MYO1G: variants seen among roughly 807,000 people sequenced by gnomAD.
MYO1G encodes the protein myosin IG.
A neutral mutation model predicts 115.3 loss-of-function variants in MYO1G; 65 were observed. The ratio of observed to expected loss-of-function variants is 0.56; its 90% CI spans 0.46 to 0.69. The LOEUF (loss-of-function observed/expected upper bound fraction) is 0.69. MYO1G is among the 30% of genes least tolerant of loss of function. The pLI is 0.00. For synonymous variants in MYO1G, 510 were observed against 552.6 expected (o/e 0.92, Z 1.08); for missense variants, 1,204 against 1,393.5 (o/e 0.86, Z 2.16).
chr7:44,971,325 A>G (rs540649770), intron 7 of MYO1G, among the ~76,000 whole-genome samples: 2 of 152,320 alleles, frequency 1.3e-5, no homozygotes, highest in East Asian at 3.9e-4. Context: ...ATCCTCCCAC[A>G]GCCAGCGGAG....
chr7:44,970,600 G>C lies in MYO1G; in HGVS notation c.1209C>G (p.Pro403=). Residue 403 remains proline, a synonymous_variant, in exon 9 of 22, where the codon CCC becomes CCG. Transcript: ENST00000258787. ...GCTGGCCAGCCACCCACCTGTTGAC[G>C]GGAAACACCTCGAAGCCATAGATGT... ...VLDIYGFEVF[P]VNSFEQFCIN... The C allele has an allele frequency of 6.2e-7, 1 of 1,613,300 alleles. No homozygotes were observed. Among genetic ancestry groups the C allele is most frequent in the South Asian group, 1.1e-5 (1 of 91,082 alleles).
chr7:44,963,119 C>A lies in MYO1G; in HGVS notation c.2751G>T (p.Thr917=). The part of the protein sequence containing the change: ...VMRAVPLEAV[T]GLSVTSGGDQ... ...CTCCTCCGCTGGTCACGCTCAGCCCCGTCACCTGAGCGGAGCGCGGGGTCA... is the reference window on the plus strand; with the variant it reads ...CTCCTCCGCTGGTCACGCTCAGCCCAGTCACCTGAGCGGAGCGCGGGGTCA... Residue 917 remains threonine, a synonymous_variant, in exon 21 of 22, where the codon ACG becomes ACT. Coordinates refer to ENST00000258787, the MANE Select transcript of MYO1G (RefSeq NM_033054.3). The surrounding 1 kb of genome is among the most constrained non-coding windows in gnomAD (Gnocchi z 4.1). The A allele has an allele frequency of 2.0e-6, 3 of 1,479,100 alleles. No homozygotes were observed. The highest frequency in any genetic ancestry group is 2.5e-5 in the South Asian group (2 of 78,562). The allele number at this position is 1,479,100 out of a possible 1,614,324, so 91.6% of individuals were successfully genotyped here.
chr7:44,963,557 C>G lies in MYO1G; in HGVS notation c.2746-433G>C, dbSNP rs73694235. On this transcript the variant is annotated intron_variant, in intron 20 of 21. Transcript: ENST00000258787. The surrounding 1 kb of genome is among the most constrained non-coding windows in gnomAD (Gnocchi z 4.1). Reference sequence around the variant, plus strand: ...TGGGACAGTCATGGGACCCCTGAAACTGTGGGAGACCCAGAGGTAGCCTGG... The same window carrying G: ...TGGGACAGTCATGGGACCCCTGAAAGTGTGGGAGACCCAGAGGTAGCCTGG... The G allele has an allele frequency of 0.017, 3,359 of 202,696 alleles. 119 individuals are homozygous for G. Among genetic ancestry groups the G allele is most frequent in the African/African-American group, 0.073 (3,153 of 43,016 alleles). The allele number at this position is 202,696 out of a possible 1,614,324, so 12.6% of individuals were successfully genotyped here.
rs2128701198 is a variant in MYO1G, at chr7:44,965,801, G to A, written c.2217C>T (p.Ile739=). 2 of 1,604,086 alleles carry A rather than the reference G, an allele frequency of 1.2e-6. No individual in the cohort carries two copies. The highest frequency in any genetic ancestry group is 2.2e-5 in the East Asian group (1 of 44,874). The part of the protein sequence containing the change: ...RCRRLRAIYT[I]MRWFRRHKVR... Reference sequence around the variant, plus strand: ...CCTTGTGTCTCCGGAACCAGCGCATGATGGTGTAGATAGCCCTCAGCCTCC... The same window carrying A: ...CCTTGTGTCTCCGGAACCAGCGCATAATGGTGTAGATAGCCCTCAGCCTCC... Residue 739 remains isoleucine, a synonymous_variant, in exon 17 of 22, where the codon ATC becomes ATT. Transcript: ENST00000258787.
Position 44,972,110 on chromosome 7 carries a change from C to G in MYO1G, c.729+5G>C. The G allele has an allele frequency of 6.2e-7, 1 of 1,611,412 alleles. No individual in the cohort carries two copies. Among genetic ancestry groups the G allele is most frequent in the Non-Finnish European group, 8.5e-7 (1 of 1,177,542 alleles). ...GTTTGAGCCCTTGGTGCCCCTCACA[C>G]TCACACTGTGCACAGTCATGTTGAG... On this transcript the variant is annotated splice_donor_5th_base_variant and intron_variant, in intron 6 of 21. Coordinates refer to ENST00000258787, the MANE Select transcript of MYO1G (RefSeq NM_033054.3).
chr7:44,967,064 G>A (rs868143860), intron 14 of MYO1G, among the ~76,000 whole-genome samples: 17 of 152,322 alleles, frequency 1.1e-4, no homozygotes, highest in African/African-American at 2.9e-4. Context: ...GGGTGGGGAG[G>A]TGGGCGTGGC....
In MYO1G at chr7:44,967,900, G is replaced by A. The variant is rs201539357; in HGVS notation, c.1633C>T (p.Arg545Trp). 8 of 1,614,026 alleles carry A rather than the reference G, an allele frequency of 5.0e-6. No homozygotes were observed. Among genetic ancestry groups the A allele is most frequent in the Non-Finnish European group, 6.8e-6 (8 of 1,180,012 alleles). ...CGTGCTCACCTGTTGTACAGCAGCCGCTTGAAGTCCTGGAAGAGGAAATCT... is the reference window on the plus strand; with the variant it reads ...CGTGCTCACCTGTTGTACAGCAGCCACTTGAAGTCCTGGAAGAGGAAATCT... ...NRDFLFQDFK[R>W]LLYNSTDPTL... Residue 545 changes from arginine to tryptophan, a missense_variant, in exon 13 of 22, where the codon CGG becomes TGG. Transcript: ENST00000258787.
intron 3 of MYO1G, 42 bp from the exon 4 acceptor site, chr7:44,975,691 CA>C: frequency 6.5e-7 from 1 of 1,529,244 alleles, no homozygotes; most frequent in South Asian, 1.3e-5. Context: ...AAAGACTTCC[CA>C]TCTGGGGAAT....
At position 44,976,910 on chromosome 7, in the gene MYO1G, T is replaced by C. The variant is rs1446033272; in HGVS notation, c.257A>G (p.Tyr86Cys). Residue 86 changes from tyrosine to cysteine, a missense_variant, in exon 2 of 22, where the codon TAC (tyrosine) becomes TGC (cysteine). Physicochemically the swap from Tyr to Cys is radical, Grantham distance 194. Transcript: ENST00000258787. ...CCTGGACCGGTGCTTCATTGCCTTG[T>C]AGGCGGCGTTGGCCACAGCATAGAG... is the stretch of plus-strand genomic sequence containing the variant. Reference protein sequence around the residue: ...PHLYAVANAAYKAMKHRSRDT... With the variant: ...PHLYAVANAACKAMKHRSRDT... The C allele has an allele frequency of 6.2e-7, 1 of 1,613,570 alleles. No homozygotes were observed. Among genetic ancestry groups the C allele is most frequent in the Non-Finnish European group, 8.5e-7 (1 of 1,180,034 alleles).
In MYO1G at chr7:44,970,158, G is replaced by A; in HGVS notation, c.1218-4C>T. On this transcript the variant is annotated splice_polypyrimidine_tract_variant and splice_region_variant and intron_variant, in intron 9 of 21. Transcript: ENST00000258787. The stretch of plus-strand genomic sequence containing the variant: ...GTTGATGCAGAACTGCTCGAAACTG[G>A]GGGTGGGGTGGGCCTTTCAGAGGGG... 6.2e-7 allele frequency: 1 copy of A among 1,605,700 alleles called. No individual in the cohort carries two copies. The highest frequency in any genetic ancestry group is 1.3e-5 in the African/African-American group (1 of 74,840).
At chr7:44,965,944 A>C (rs1208988351) in intron 16 of MYO1G, 84 bp from the exon 17 acceptor site, 2 of 1,540,750 alleles carry the variant, frequency 1.3e-6, no homozygotes, top group Non-Finnish European at 1.8e-6. Flanking sequence ...CTGAGCATTT[A>C]TTGAGCACTC....
Position 44,963,297 on chromosome 7 carries a change from G to C in MYO1G, c.2746-173C>G, listed in dbSNP as rs1473746953. 1.6e-5 allele frequency: 11 copies of C among 674,440 alleles called. No homozygotes were observed. Among genetic ancestry groups the C allele is most frequent in the Non-Finnish European group, 2.6e-5 (11 of 430,212 alleles). 41.8% of individuals were successfully genotyped at this position (674,440 alleles called of 1,614,324 possible). Reference sequence around the variant, plus strand: ...CCCTCCTCCCTCTCGGGGCCCTGCTGACAGGGGGAAGCTTGGGCGGGACGC... The same window carrying C: ...CCCTCCTCCCTCTCGGGGCCCTGCTCACAGGGGGAAGCTTGGGCGGGACGC... On this transcript the variant is annotated intron_variant, in intron 20 of 21. Transcript: ENST00000258787. The surrounding 1 kb of genome is among the most constrained non-coding windows in gnomAD (Gnocchi z 4.1).
Position 44,965,089 on chromosome 7 carries a change from C to G in MYO1G, c.2382G>C (p.Arg794Ser), listed in dbSNP as rs1468506073. The G allele has an allele frequency of 2.5e-6, 4 of 1,604,118 alleles. No homozygotes were observed. The African/African-American group carries it at 5.4e-5, about 21-fold the overall frequency. The part of the protein sequence containing the change: ...FQDTCHALFC[R>S]WRARQLVKNI... The stretch of plus-strand genomic sequence containing the variant: ...TCTTCACCAGCTGCCGGGCCCGCCA[C>G]CTGGGAGAGGGCATGTAGTCAGACA... The change falls in exon 18 of 22, where the codon AGG becomes AGC. Residue 794 changes from arginine (R) to serine (S), a missense_variant and splice_region_variant. Arg to Ser is a moderately radical substitution (Grantham distance 110). Coordinates refer to ENST00000258787, the MANE Select transcript of MYO1G (RefSeq NM_033054.3).
intron 1 of MYO1G, among the ~76,000 whole-genome samples, chr7:44,978,196 C>G (rs1795116327): frequency 6.6e-6 from 1 of 152,164 alleles, no homozygotes; most frequent in Non-Finnish European, 1.5e-5. Flanking sequence ...TGGCAGGAAG[C>G]CCAGCTGCCT....
At chr7:44,967,055 G>A (rs1228122296) in intron 14 of MYO1G, among the ~76,000 whole-genome samples, 1 of 152,198 alleles carries the variant, frequency 6.6e-6, no homozygotes, top group Non-Finnish European at 1.5e-5. Flanking sequence ...CTGGTCGGGG[G>A]GTGGGGAGGT....
At chr7:44,974,700 G>T in intron 5 of MYO1G, 1 of 182,158 alleles carries the variant, frequency 5.5e-6, no homozygotes, top group Admixed American at 5.3e-5. Flanking sequence ...GACACTGTTT[G>T]TTTCCAGGGA....
At position 44,969,741 on chromosome 7, in the gene MYO1G, C is replaced by T. The variant is rs1336442389; in HGVS notation, c.1467G>A (p.Met489Ile). Reference sequence around the variant, plus strand: ...TGTAGTGTAGGTGATGGCGGTGGTGCATGTCCAGGGTCTGCAGGAAGATTC... The same window carrying T: ...TGTAGTGTAGGTGATGGCGGTGGTGTATGTCCAGGGTCTGCAGGAAGATTC... ...TDRIFLQTLD[M>I]HHRHHLHYTS... The change falls in exon 11 of 22, where the codon ATG (methionine) becomes ATA (isoleucine). Residue 489 changes from methionine to isoleucine, a missense_variant. Transcript: ENST00000258787. This position sits in a 1 kb window ranked among gnomAD's most constrained non-coding sequence, Gnocchi z 5.0. The T allele has an allele frequency of 8.1e-6, 13 of 1,609,882 alleles. No homozygotes were observed. The highest frequency in any genetic ancestry group is 5.5e-5 in the South Asian group (5 of 90,704).
At chr7:44,976,731 C>T in intron 2 of MYO1G, 74 bp from the exon 3 acceptor site, 1 of 1,592,366 alleles carries the variant, frequency 6.3e-7, no homozygotes. Flanking sequence ...CCCACTCACA[C>T]CCCCAAGACT....
At chr7:44,976,710 A>C in intron 2 of MYO1G, 53 bp from the exon 3 acceptor site, 1 of 1,609,074 alleles carries the variant, frequency 6.2e-7, no homozygotes, top group South Asian at 1.1e-5. Context: ...CTCTTAGCCC[A>C]GCTCCCTGTG....
Sources: allele counts gnomAD v4.1 joint callset (sites outside exome capture counted in the v4.1 genomes callset), GRCh38; gene constraint gnomAD v4.1.1; non-coding constraint Gnocchi (gnomAD v3.1); transcripts MANE v1.5; gene names NCBI Gene and HGNC (gene_info 2026-07-23, HGNC 2026-07-21).